The following STK32B variants were observed in gnomAD, a reference collection of about 807,000 sequenced individuals.
The protein encoded by STK32B is serine/threonine-protein kinase 32B.
STK32B carries 43 observed loss-of-function variants against 52.6 expected under a neutral mutation model. The observed-to-expected ratio is 0.82, with a 90% CI of 0.64 to 1.05. STK32B has a LOEUF of 1.05. Ranked by LOEUF, STK32B falls within the 50% of genes least tolerant of loss-of-function variation. The probability of loss-of-function intolerance (pLI) is 0.00; values close to 1 mark genes in which losing one functional copy is unlikely to be tolerated. For missense variants in STK32B, 621 were observed against 534.6 expected, an observed-to-expected ratio of 1.16 and a Z score of -1.59; for synonymous variants, 238 against 204.3, an observed-to-expected ratio of 1.17 and a Z score of -1.41.
At chr4:5,302,251 T>C (rs1167941175) in intron 3 of STK32B, among the ~76,000 whole-genome samples, 5 of 151,904 alleles carry the variant, frequency 3.3e-5, no homozygotes, top group African/African-American at 9.7e-5. Flanking sequence ...TTTCAGTGTA[T>C]CCCCAGATTA....
chr4:5,061,819 G>A (rs779271046), intron 1 of STK32B, among the ~76,000 whole-genome samples: 2 of 152,082 alleles, frequency 1.3e-5, no homozygotes, highest in Admixed American at 6.5e-5. Context: ...AGTGTTTGTC[G>A]CCTCCCTGAA....
chr4:5,113,323 G>A (rs563918687), intron 1 of STK32B, among the ~76,000 whole-genome samples: 7 of 152,186 alleles, frequency 4.6e-5, no homozygotes, highest in Admixed American at 4.6e-4. Flanking sequence ...CCTTGATCTT[G>A]GATTCCCCAG....
At chr4:5,139,584 T>G in intron 1 of STK32B, 1 of 323,142 alleles carries the variant, frequency 3.1e-6, no homozygotes, top group Non-Finnish European at 5.8e-6. Flanking sequence ...AGGCCGTACA[T>G]TGTTGACCTG....
At position 5,468,055 on chromosome 4, in the gene STK32B, T is replaced by G. The variant is rs1717578277; in HGVS notation, c.1091T>G (p.Ile364Arg). Residue 364 changes from isoleucine to arginine, a missense_variant, in exon 11 of 12, where the codon ATA (isoleucine) becomes AGA (arginine). Coordinates refer to ENST00000282908, the MANE Select transcript of STK32B (RefSeq NM_018401.3). ...CLETVREEFI[I>R]FNREKLRRQQ... is the part of the protein sequence containing the mutation. ...GAGACTGTCCGGGAGGAATTCATCA[T>G]ATTCAACAGAGAGAAGTAAGTCCTT... 2 of 1,614,028 alleles carry G rather than the reference T, an allele frequency of 1.2e-6. No homozygotes were observed. The highest frequency in any genetic ancestry group is 8.5e-7 in the Non-Finnish European group (1 of 1,179,996).
At chr4:5,455,407 C>CTTCT (rs1164842227) in intron 7 of STK32B, among the ~76,000 whole-genome samples, 15 of 152,244 alleles carry the variant, frequency 9.9e-5, no homozygotes, top group African/African-American at 3.4e-4. Flanking sequence ...GCGGATCATG[C>CTTCT]TTCTACATAT....
intron 11 of STK32B, among the ~76,000 whole-genome samples, chr4:5,485,097 G>C (rs1039096108): frequency 7.3e-5 from 11 of 151,416 alleles, no homozygotes; most frequent in African/African-American, 2.2e-4. Flanking sequence ...GAGTATCTTG[G>C]TGGCGTTCTC....
chr4:5,127,150 T>C (rs1353587544), intron 1 of STK32B: 2 of 503,582 alleles, frequency 4.0e-6, no homozygotes, highest in East Asian at 5.5e-5. Context: ...ATGCCAATGA[T>C]TACATTTTTA....
chr4:5,338,726 T>C (rs2108966291), intron 4 of STK32B, among the ~76,000 whole-genome samples: 1 of 152,358 alleles, frequency 6.6e-6, no homozygotes, highest in East Asian at 1.9e-4. Flanking sequence ...TTTTAAGTCA[T>C]TCTCAAATAT....
chr4:5,323,602 C>T (rs1731668742), intron 3 of STK32B, among the ~76,000 whole-genome samples: 1 of 152,182 alleles, frequency 6.6e-6, no homozygotes, highest in African/African-American at 2.4e-5. Context: ...CTTCCTTCCC[C>T]ATCAACCCTC....
At chr4:5,019,576 A>C in the STK32B span, 1 of 992,822 alleles carries the variant, frequency 1.0e-6, no homozygotes, top group Non-Finnish European at 1.3e-6. Flanking sequence ...GCAGAGAGGA[A>C]GCCAGCACGC....
intron 1 of STK32B, among the ~76,000 whole-genome samples, chr4:5,122,152 T>A (rs796356578): frequency 3.3e-5 from 5 of 150,602 alleles, no homozygotes; most frequent in Non-Finnish European, 5.9e-5. Flanking sequence ...ACTCATTCAC[T>A]CCTTCATTCA....
rs900470938 is a variant in STK32B, at chr4:5,494,945, G to C, written c.1107-4000G>C. Among the ~76,000 whole-genome samples the C allele has an allele frequency of 2.2e-4, 33 of 152,280 alleles. 1 individual carries two copies. The highest frequency in any genetic ancestry group is 1.2e-3 in the Admixed American group (19 of 15,298). On this transcript the variant is annotated intron_variant, in intron 11 of 11. Transcript: ENST00000282908. ...TTGTAGAGTTTCTGCCTAGCGATCA[G>C]CTGTTAGTCTGATGGGCTTCCCTTT... is the stretch of plus-strand genomic sequence containing the variant.
At position 5,319,083 on chromosome 4, in the gene STK32B, C is replaced by T. The variant is rs571001898; in HGVS notation, c.261-12137C>T. On this transcript the variant is annotated intron_variant, in intron 3 of 11. Transcript: ENST00000282908. ...CCTCCCAAAGTGCTGGGATTACAGG[C>T]GTGAGCCACCACGCCTGGCTAAAAA... 4.0e-3 allele frequency among the ~76,000 whole-genome samples: 615 copies of T among 152,246 alleles called. 1 individual carries two copies. Among genetic ancestry groups the T allele is most frequent in the Non-Finnish European group, 7.4e-3 (506 of 68,002 alleles).
At chr4:5,293,608 G>C (rs1729020043) in intron 3 of STK32B, among the ~76,000 whole-genome samples, 1 of 152,046 alleles carries the variant, frequency 6.6e-6, no homozygotes, top group Non-Finnish European at 1.5e-5. Context: ...GTCTGTTCAT[G>C]TCCTTTGCCC....
intron 3 of STK32B, among the ~76,000 whole-genome samples, chr4:5,170,942 A>G (rs910743122): frequency 2.0e-4 from 31 of 151,914 alleles, no homozygotes; most frequent in African/African-American, 7.3e-4. Context: ...TAAAAGTCCT[A>G]TTTCTCCACA....
intron 1 of STK32B, among the ~76,000 whole-genome samples, chr4:5,054,957 C>A (rs1208752943): frequency 3.3e-5 from 5 of 152,136 alleles, no homozygotes; most frequent in African/African-American, 1.2e-4. Flanking sequence ...GATTAATAGG[C>A]AGAGTTGCTT....
intron 6 of STK32B, among the ~76,000 whole-genome samples, chr4:5,421,698 C>T (rs115299697): frequency 0.011 from 1,673 of 152,334 alleles, 23 homozygotes; most frequent in African/African-American, 0.037. Flanking sequence ...AAAGCAGAGC[C>T]ATGGGGACCC....
chr4:5,105,728 T>A lies in STK32B; in HGVS notation c.53-34177T>A, dbSNP rs542203170. On this transcript the variant is annotated intron_variant, in intron 1 of 11. Coordinates refer to ENST00000282908, the MANE Select transcript of STK32B (RefSeq NM_018401.3). ...ACAGGCGCCCGCCACCACGCCTGGC[T>A]AATTTTTTGTATTTTTAATAGAGAC... is the stretch of plus-strand genomic sequence containing the variant. Among the ~76,000 whole-genome samples, 667 of 152,002 alleles carry A rather than the reference T, an allele frequency of 4.4e-3. 2 individuals carry two copies. The highest frequency in any genetic ancestry group is 0.015 in the African/African-American group (626 of 41,480).
At chr4:5,483,670 T>G (rs1227136581) in intron 11 of STK32B, among the ~76,000 whole-genome samples, 1 of 152,178 alleles carries the variant, frequency 6.6e-6, no homozygotes, top group African/African-American at 2.4e-5. Flanking sequence ...GTTCTTTTAA[T>G]TGTGATGTTA....
Sources: allele counts gnomAD v4.1 joint callset (sites outside exome capture counted in the v4.1 genomes callset), GRCh38; gene constraint gnomAD v4.1.1; transcripts MANE v1.5; gene names NCBI Gene and HGNC (gene_info 2026-07-23, HGNC 2026-07-21).